DPP10: variants seen among roughly 807,000 people sequenced by gnomAD.
The protein encoded by DPP10 is dipeptidyl peptidase like 10, also known as inactive dipeptidyl peptidase 10.
Under a neutral mutation model 120.9 loss-of-function variants are expected in DPP10, and 33 were observed. The ratio of observed to expected loss-of-function variants is 0.27; its 90% CI spans 0.21 to 0.37. The LOEUF (loss-of-function observed/expected upper bound fraction) is 0.37. Ranked by LOEUF, DPP10 falls within the 10% of genes least tolerant of loss-of-function variation. DPP10 has a pLI of 1.00. For synonymous variants in DPP10, 337 were observed against 326.1 expected (o/e 1.03, Z -0.36); for missense variants, 816 against 942.8 (o/e 0.87, Z 1.76).
At chr2:115,192,784 C>A (rs925877616) in intron 1 of DPP10, among the ~76,000 whole-genome samples, 5 of 151,802 alleles carry the variant, frequency 3.3e-5, no homozygotes, top group Non-Finnish European at 7.4e-5. Context: ...TTTTTATAGA[C>A]TCTTTTTAAC....
chr2:114,771,540 C>T (rs753491391), intron 1 of DPP10, among the ~76,000 whole-genome samples: 1 of 152,274 alleles, frequency 6.6e-6, no homozygotes, highest in Non-Finnish European at 1.5e-5. Flanking sequence ...AGAGCACAAA[C>T]GATCTTGTGA....
At chr2:115,367,674 T>A (rs2065158960) in intron 3 of DPP10, among the ~76,000 whole-genome samples, 1 of 152,056 alleles carries the variant, frequency 6.6e-6, no homozygotes, top group Non-Finnish European at 1.5e-5. Flanking sequence ...CAAGGCAGTC[T>A]TTTGTTTCAG....
intron 1 of DPP10, among the ~76,000 whole-genome samples, chr2:114,670,669 T>C (rs1402718780): frequency 6.6e-6 from 1 of 152,132 alleles, no homozygotes; most frequent in Non-Finnish European, 1.5e-5. Flanking sequence ...ACCCTAAAAC[T>C]TAAAGTATAA....
intron 1 of DPP10, among the ~76,000 whole-genome samples, chr2:115,002,265 A>T (rs960676084): frequency 6.6e-6 from 1 of 152,212 alleles, no homozygotes; most frequent in African/African-American, 2.4e-5. Context: ...AAAAATAAGC[A>T]ATGGGGAAGG....
intron 5 of DPP10, among the ~76,000 whole-genome samples, chr2:115,616,875 G>A (rs2084545403): frequency 1.3e-5 from 2 of 152,002 alleles, no homozygotes; most frequent in South Asian, 2.1e-4. Flanking sequence ...ACTGACTGCA[G>A]TGTAGACTGC....
intron 1 of DPP10, among the ~76,000 whole-genome samples, chr2:115,098,028 C>CT (rs1482148364): frequency 6.6e-6 from 1 of 152,144 alleles, no homozygotes; most frequent in African/African-American, 2.4e-5. Context: ...GCAGATTCAT[C>CT]TTTTTCACCA....
chr2:114,824,975 G>A (rs556693886), intron 1 of DPP10, among the ~76,000 whole-genome samples: 1 of 152,174 alleles, frequency 6.6e-6, no homozygotes, highest in African/African-American at 2.4e-5. Context: ...AGTAGGCTTT[G>A]GTTTGATTCA....
chr2:115,240,881 C>T (rs1250626938), intron 1 of DPP10, among the ~76,000 whole-genome samples: 1 of 152,194 alleles, frequency 6.6e-6, no homozygotes, highest in Admixed American at 6.5e-5. Context: ...CACAGCTACA[C>T]TTCTCAACTG....
rs567341129 is a variant in DPP10, at chr2:115,530,934, T to C, written c.441+4962T>C. ...TAAGTGAACTGATCTCTTCCACCCA[T>C]TGAAGACTTTCCAGATTTCAGAAAA... On this transcript the variant is annotated intron_variant, in intron 5 of 25. Transcript: ENST00000410059. Among the ~76,000 whole-genome samples the C allele has an allele frequency of 1.3e-3, 194 of 152,192 alleles. 2 individuals are homozygous for C. Among genetic ancestry groups the C allele is most frequent in the African/African-American group, 4.6e-3 (191 of 41,552 alleles).
At chr2:114,454,995 A>G (rs1001212133) in intron 1 of DPP10, among the ~76,000 whole-genome samples, 6 of 152,112 alleles carry the variant, frequency 3.9e-5, no homozygotes, top group African/African-American at 1.4e-4. Flanking sequence ...AGGCCATCCA[A>G]TGTGGGGAAT....
intron 1 of DPP10, among the ~76,000 whole-genome samples, chr2:114,931,507 C>A (rs1294487993): frequency 6.6e-6 from 1 of 152,158 alleles, no homozygotes; most frequent in East Asian, 1.9e-4. Context: ...CTGAGCCAGG[C>A]CAAGTCATTC....
At chr2:115,011,693 G>A (rs1426202307) in intron 1 of DPP10, among the ~76,000 whole-genome samples, 2 of 152,104 alleles carry the variant, frequency 1.3e-5, no homozygotes, top group African/African-American at 4.8e-5. Context: ...CTCACGCTTG[G>A]AGGAACAGAG....
At chr2:115,517,123 TA>T (rs993685135) in intron 4 of DPP10, among the ~76,000 whole-genome samples, 1 of 152,050 alleles carries the variant, frequency 6.6e-6, no homozygotes, top group Non-Finnish European at 1.5e-5. Context: ...GTATATACCA[TA>T]AGGAAGCAAT....
At chr2:115,757,245 A>C (rs966827863) in intron 11 of DPP10, among the ~76,000 whole-genome samples, 3 of 152,030 alleles carry the variant, frequency 2.0e-5, no homozygotes, top group Non-Finnish European at 4.4e-5. Context: ...AAGAGACAAC[A>C]TTTTAGACTG....
At chr2:114,647,227 T>C (rs1036261863) in intron 1 of DPP10, among the ~76,000 whole-genome samples, 1 of 152,226 alleles carries the variant, frequency 6.6e-6, no homozygotes, top group African/African-American at 2.4e-5. Context: ...CTATCTTCCC[T>C]TGTTATCACT....
chr2:115,412,759 G>A (rs1626545), intron 3 of DPP10, among the ~76,000 whole-genome samples: 95,415 of 151,880 alleles, frequency 0.63, 30,721 homozygotes, highest in Middle Eastern at 0.74. Context: ...TTTAGATGTC[G>A]TTTGAGAGAA....
chr2:115,749,844 T>C (rs764498300), intron 10 of DPP10: 1 of 239,436 alleles, frequency 4.2e-6, no homozygotes, highest in Non-Finnish European at 6.8e-6. Context: ...GTGTAACTGC[T>C]AACATACCTG....
intron 3 of DPP10, among the ~76,000 whole-genome samples, chr2:115,489,674 T>C (rs2075995885): frequency 6.6e-6 from 1 of 151,446 alleles, no homozygotes; most frequent in Admixed American, 6.6e-5. Context: ...TAACTACAGA[T>C]AGCAGACCCT....
chr2:115,441,023 C>G (rs955854359), intron 3 of DPP10: 1 of 152,024 alleles, frequency 6.6e-6, no homozygotes, highest in Non-Finnish European at 1.5e-5. Context: ...TCCGGCTTTC[C>G]CAGCTAGAGA....
Sources: gnomAD v4.1 joint callset for allele counts (sites outside exome capture counted in the v4.1 genomes callset) on GRCh38, gnomAD v4.1.1 for gene constraint, MANE v1.5 for transcripts, NCBI Gene and HGNC (gene_info 2026-07-23, HGNC 2026-07-21) for gene names.